Variants in METTL15 observed in about 807,000 individuals in gnomAD.
METTL15 encodes the protein methyltransferase 15, mitochondrial 12S rRNA N4-cytidine, also known as 12S rRNA N(4)-cytidine methyltransferase METTL15.
A neutral mutation model predicts 38.3 loss-of-function variants in METTL15; 34 were observed. The observed-to-expected ratio is 0.89, with a 90% CI of 0.68 to 1.18. The LOEUF (loss-of-function observed/expected upper bound fraction) is 1.18. Ranked by LOEUF, METTL15 falls within the 50% of genes most tolerant of loss-of-function variation. The pLI is 0.00. For synonymous variants in METTL15, 162 were observed against 170.9 expected (o/e 0.95, Z 0.41); for missense variants, 438 against 498.4 (o/e 0.88, Z 1.15).
chr11:28,481,148 T>C (rs910297712), intron 6 of METTL15, among the ~76,000 whole-genome samples: 1 of 152,194 alleles, frequency 6.6e-6, no homozygotes, highest in Non-Finnish European at 1.5e-5. Flanking sequence ...ATTGATACAA[T>C]TGTAACCCTG....
At chr11:28,172,739 A>G (rs1223236034) in intron 3 of METTL15, among the ~76,000 whole-genome samples, 1 of 152,196 alleles carries the variant, frequency 6.6e-6, no homozygotes, top group Non-Finnish European at 1.5e-5. Context: ...GGGAGCTGAG[A>G]ACAGTTTTTG....
chr11:28,344,540 A>G (rs1474048825), intron 3 of METTL15, among the ~76,000 whole-genome samples: 3 of 152,142 alleles, frequency 2.0e-5, no homozygotes, highest in Non-Finnish European at 4.4e-5. Flanking sequence ...TTCAAGTCAC[A>G]TTTCCCACAT....
chr11:28,398,787 G>C (rs939412499), intron 5 of METTL15: 4 of 151,824 alleles, frequency 2.6e-5, no homozygotes, highest in African/African-American at 9.7e-5. Flanking sequence ...TTTTCTTCTA[G>C]GGTTTTTATG....
chr11:28,170,641 T>C (rs1387127522), intron 3 of METTL15, among the ~76,000 whole-genome samples: 1 of 152,142 alleles, frequency 6.6e-6, no homozygotes, highest in Non-Finnish European at 1.5e-5. Flanking sequence ...ATCTCCTTTT[T>C]AAACCATATA....
intron 6 of METTL15, among the ~76,000 whole-genome samples, chr11:28,494,218 G>C (rs1482585741): frequency 6.6e-6 from 1 of 152,156 alleles, no homozygotes; most frequent in African/African-American, 2.4e-5. Context: ...CCACAGAGCA[G>C]GGAGAGAAGG....
At chr11:28,134,276 C>G (rs1230188664) in intron 3 of METTL15, among the ~76,000 whole-genome samples, 1 of 152,104 alleles carries the variant, frequency 6.6e-6, no homozygotes, top group Non-Finnish European at 1.5e-5. Flanking sequence ...AGCAGGTTGC[C>G]GGTTGCCCAC....
intron 3 of METTL15, among the ~76,000 whole-genome samples, chr11:28,156,623 G>A (rs890189850): frequency 7.2e-5 from 11 of 152,064 alleles, no homozygotes; most frequent in African/African-American, 2.4e-4. Context: ...CAGGGAGAAG[G>A]GAAAGGGAAT....
chr11:28,202,979 A>T (rs1432140268), intron 3 of METTL15, among the ~76,000 whole-genome samples: 1 of 46,408 alleles, frequency 2.2e-5, no homozygotes, highest in Non-Finnish European at 7.3e-5. Context: ...TGATTGGATT[A>T]AAAAAAAATT....
chr11:28,226,756 A>C (rs1176850247), intron 4 of METTL15, among the ~76,000 whole-genome samples: 1 of 151,890 alleles, frequency 6.6e-6, no homozygotes, highest in African/African-American at 2.4e-5. Flanking sequence ...CAGTGTAAAA[A>C]TCTTATAAAA....
chr11:28,530,169 T>C (rs2133520970), downstream of METTL15, among the ~76,000 whole-genome samples: 1 of 152,242 alleles, frequency 6.6e-6, no homozygotes, highest in Non-Finnish European at 1.5e-5. Flanking sequence ...GCAAAGCCTC[T>C]AAAGATCTAT....
At chr11:28,366,988 A>G (rs1850192345) in intron 5 of METTL15, among the ~76,000 whole-genome samples, 1 of 152,208 alleles carries the variant, frequency 6.6e-6, no homozygotes, top group Non-Finnish European at 1.5e-5. Flanking sequence ...TACCCATGAT[A>G]ACCCTTCCTT....
chr11:28,512,589 A>G (rs2133501938), intron 6 of METTL15, among the ~76,000 whole-genome samples: 2 of 152,288 alleles, frequency 1.3e-5, no homozygotes, highest in East Asian at 3.9e-4. Flanking sequence ...TAAGCCCCTC[A>G]TTGCCTGGGG....
chr11:28,328,909 T>C (rs1452103542), intron 6 of METTL15, among the ~76,000 whole-genome samples: 1 of 152,128 alleles, frequency 6.6e-6, no homozygotes, highest in East Asian at 1.9e-4. Flanking sequence ...ATTCTCTGAC[T>C]TGTCTTTCAT....
intron 6 of METTL15, among the ~76,000 whole-genome samples, chr11:28,429,591 G>T (rs1346091300): frequency 1.3e-5 from 1 of 77,994 alleles, no homozygotes. Context: ...GCCCCTAACC[G>T]CAAGTGATCC....
intron 5 of METTL15, among the ~76,000 whole-genome samples, chr11:28,390,806 A>C (rs1303017112): frequency 6.6e-6 from 1 of 152,162 alleles, no homozygotes; most frequent in Admixed American, 6.6e-5. Context: ...TTGAATCTAT[A>C]AATTACCTTG....
At position 28,433,945 on chromosome 11, in the gene METTL15, C is replaced by A. The variant is rs556043743; in HGVS notation, c.*424+9581C>A. ...TTATCAAATGTAGTTAAACTAGACTCCTTCCTAAGTGAAGGATGGTCTCCT... is the reference window on the plus strand; with the variant it reads ...TTATCAAATGTAGTTAAACTAGACTACTTCCTAAGTGAAGGATGGTCTCCT... On this transcript the variant is annotated intron_variant and NMD_transcript_variant, in intron 6 of 7. Transcript: ENST00000532947. Among the ~76,000 whole-genome samples, 9 of 152,236 alleles carry A rather than the reference C, an allele frequency of 5.9e-5. No homozygotes were observed. The South Asian group carries it at 1.9e-3, about 32-fold the overall frequency.
intron 4 of METTL15, among the ~76,000 whole-genome samples, chr11:28,243,412 A>C (rs190155118): frequency 6.6e-6 from 1 of 152,320 alleles, no homozygotes; most frequent in East Asian, 1.9e-4. Context: ...AAACAAACAA[A>C]AAACTATGTT....
At chr11:28,428,977 C>T (rs1169309946) in intron 6 of METTL15, among the ~76,000 whole-genome samples, 1 of 152,158 alleles carries the variant, frequency 6.6e-6, no homozygotes, top group Non-Finnish European at 1.5e-5. Flanking sequence ...ATCTGGAAGG[C>T]TCATCACCAT....
intron 6 of METTL15, among the ~76,000 whole-genome samples, chr11:28,305,173 C>G (rs1346180067): frequency 6.6e-5 from 10 of 152,024 alleles, no homozygotes; most frequent in Admixed American, 6.6e-4. Flanking sequence ...AAAAGACATT[C>G]TGTACATGAA....
Sources: gnomAD v4.1 joint callset for allele counts (sites outside exome capture counted in the v4.1 genomes callset) on GRCh38, gnomAD v4.1.1 for gene constraint, MANE v1.5 for transcripts, NCBI Gene and HGNC (gene_info 2026-07-23, HGNC 2026-07-21) for gene names.